CADPS: variants seen among roughly 807,000 people sequenced by gnomAD.
The protein encoded by CADPS is calcium-dependent secretion activator 1.
CADPS carries 57 observed loss-of-function variants against 167.3 expected under a neutral mutation model. The observed-to-expected ratio is 0.34, with a 90% CI of 0.28 to 0.42. CADPS has a LOEUF of 0.42. CADPS is among the 20% of genes least tolerant of loss of function. The pLI is 1.00. For missense variants in CADPS, 1,414 were observed against 1,738.1 expected (o/e 0.81, Z 3.32); for synonymous variants, 676 against 635.3 (o/e 1.06, Z -0.96).
chr3:62,842,133 A>G (rs1233163352), intron 1 of CADPS, among the ~76,000 whole-genome samples: 1 of 152,230 alleles, frequency 6.6e-6, no homozygotes, highest in African/African-American at 2.4e-5. Flanking sequence ...CTCATTCATT[A>G]TGGGTCAAGA....
At chr3:62,655,650 T>C (rs2071360289) in intron 4 of CADPS, among the ~76,000 whole-genome samples, 1 of 152,142 alleles carries the variant, frequency 6.6e-6, no homozygotes, top group Admixed American at 6.6e-5. Context: ...GTATAAATGA[T>C]GACAAGGCTG....
Position 62,624,218 on chromosome 3 carries a change from A to C in CADPS, c.1325+21504T>G, listed in dbSNP as rs916312942. Among the ~76,000 whole-genome samples, 5 of 78,108 alleles carry C rather than the reference A, an allele frequency of 6.4e-5. No individual in the cohort carries two copies. The Admixed American group carries it at 8.0e-4, about 13-fold the overall frequency. The allele number at this position is 78,108 out of a possible 152,430, so 51.2% of individuals were successfully genotyped here. On this transcript the variant is annotated intron_variant, in intron 6 of 29. Coordinates refer to ENST00000383710, the MANE Select transcript of CADPS (RefSeq NM_003716.4). ...AGTAGGGAAATTTTAGGTAGTTCTAAGAGTTGCACAGGTCCTTGAAGGAAT... is the reference window on the plus strand; with the variant it reads ...AGTAGGGAAATTTTAGGTAGTTCTACGAGTTGCACAGGTCCTTGAAGGAAT...
At chr3:62,541,435 A>G (rs1382275400) in intron 11 of CADPS, among the ~76,000 whole-genome samples, 1 of 152,132 alleles carries the variant, frequency 6.6e-6, no homozygotes, top group African/African-American at 2.4e-5. Context: ...CTAAGCTTGG[A>G]TGGATAACGC....
rs1007129367 is a variant in CADPS at position 62,544,231 on chromosome 3, C to G, written c.1966+5672G>C. Among the ~76,000 whole-genome samples, 1 of 152,078 alleles carries G rather than the reference C, an allele frequency of 6.6e-6. No homozygotes were observed. The highest frequency in any genetic ancestry group is 2.4e-5 in the African/African-American group (1 of 41,418). On this transcript the variant is annotated intron_variant, in intron 11 of 29. Coordinates refer to ENST00000383710, the MANE Select transcript of CADPS (RefSeq NM_003716.4). This position sits in a 1 kb window ranked among gnomAD's most constrained non-coding sequence, Gnocchi z 4.4. ...CTCTATTGGGTCTTACATTAGAGCA[C>G]ACCCTTAAGCCAGCTAGAATGAACT...
intron 3 of CADPS, among the ~76,000 whole-genome samples, chr3:62,740,160 T>G (rs1015016442): frequency 6.6e-6 from 1 of 151,808 alleles, no homozygotes; most frequent in Admixed American, 6.6e-5. Context: ...GGCTCCAGGT[T>G]GTGAGTTCAG....
chr3:62,586,623 A>G (rs1282501888), intron 7 of CADPS, among the ~76,000 whole-genome samples: 1 of 152,154 alleles, frequency 6.6e-6, no homozygotes, highest in African/African-American at 2.4e-5. Flanking sequence ...TGAAATATAC[A>G]TTCTTGCTAA....
chr3:62,620,657 G>C (rs1008876883), intron 6 of CADPS, among the ~76,000 whole-genome samples: 1 of 152,152 alleles, frequency 6.6e-6, no homozygotes, highest in South Asian at 2.1e-4. Flanking sequence ...TAACATTCAA[G>C]CCCAGTTTGA....
At chr3:62,806,006 C>T (rs2094069435) in intron 1 of CADPS, among the ~76,000 whole-genome samples, 1 of 152,112 alleles carries the variant, frequency 6.6e-6, no homozygotes, top group Non-Finnish European at 1.5e-5. Flanking sequence ...GTTTCTCCAT[C>T]CCTTATGGCT....
intron 3 of CADPS, among the ~76,000 whole-genome samples, chr3:62,714,692 T>C (rs920899808): frequency 2.0e-5 from 3 of 152,154 alleles, no homozygotes; most frequent in Non-Finnish European, 2.9e-5. Flanking sequence ...AAACAAAATA[T>C]GATTGGGTTA....
chr3:62,676,493 C>A (rs1176749243), intron 3 of CADPS, among the ~76,000 whole-genome samples: 1 of 152,042 alleles, frequency 6.6e-6, no homozygotes, highest in Non-Finnish European at 1.5e-5. Flanking sequence ...GGATCAGCTA[C>A]CTATTCATTT....
At chr3:62,759,543 G>C (rs774245714) in intron 2 of CADPS, among the ~76,000 whole-genome samples, 2 of 152,168 alleles carry the variant, frequency 1.3e-5, no homozygotes, top group Non-Finnish European at 2.9e-5. Context: ...TTACTGATGA[G>C]AGTATGCCAT....
At chr3:62,505,523 G>C (rs1028120179) in intron 17 of CADPS, among the ~76,000 whole-genome samples, 5 of 152,098 alleles carry the variant, frequency 3.3e-5, no homozygotes, top group African/African-American at 1.2e-4. Flanking sequence ...CACCTCAACT[G>C]TTGCTAAAGC....
At chr3:62,615,969 C>A (rs984790884) in intron 6 of CADPS, among the ~76,000 whole-genome samples, 1 of 152,136 alleles carries the variant, frequency 6.6e-6, no homozygotes, top group Non-Finnish European at 1.5e-5. Context: ...TTCGATACTG[C>A]ATCACTTTAC....
intron 3 of CADPS, among the ~76,000 whole-genome samples, chr3:62,693,976 C>A (rs915634467): frequency 3.9e-5 from 6 of 152,012 alleles, no homozygotes; most frequent in Non-Finnish European, 8.8e-5. Context: ...AAGGATATCA[C>A]AAGATAGGAG....
intron 6 of CADPS, among the ~76,000 whole-genome samples, chr3:62,629,599 A>G (rs996168650): frequency 1.3e-5 from 2 of 152,184 alleles, no homozygotes; most frequent in African/African-American, 4.8e-5. Flanking sequence ...CCACAAAGTA[A>G]CCACCACCAT....
intron 3 of CADPS, among the ~76,000 whole-genome samples, chr3:62,684,803 G>T (rs918882309): frequency 3.3e-5 from 5 of 151,886 alleles, no homozygotes; most frequent in African/African-American, 7.3e-5. Flanking sequence ...TTAGGGACAG[G>T]ATACTTTAGT....
intron 4 of CADPS, among the ~76,000 whole-genome samples, chr3:62,653,586 C>A (rs898452876): frequency 6.6e-6 from 1 of 152,034 alleles, no homozygotes; most frequent in Non-Finnish European, 1.5e-5. Flanking sequence ...TGATTCAGGA[C>A]CATATCTATC....
At chr3:62,507,058 T>C (rs2066819580) in intron 17 of CADPS, among the ~76,000 whole-genome samples, 1 of 152,172 alleles carries the variant, frequency 6.6e-6, no homozygotes, top group African/African-American at 2.4e-5. Context: ...GCTTAGGCTA[T>C]TTGAGTTCTT....
At chr3:62,818,326 G>C (rs762627331) in intron 1 of CADPS, among the ~76,000 whole-genome samples, 1 of 152,202 alleles carries the variant, frequency 6.6e-6, no homozygotes, top group East Asian at 1.9e-4. Context: ...CAGGGACAGC[G>C]TTCCTACAAC....
Sources: gnomAD v4.1 joint callset for allele counts (sites outside exome capture counted in the v4.1 genomes callset) on GRCh38, gnomAD v4.1.1 for gene constraint, Gnocchi (gnomAD v3.1) non-coding constraint, MANE v1.5 for transcripts, NCBI Gene and HGNC (gene_info 2026-07-23, HGNC 2026-07-21) for gene names.